GREB1: variants seen among roughly 807,000 people sequenced by gnomAD.
GREB1 encodes the protein growth regulating estrogen receptor binding 1.
In GREB1, 106 loss-of-function variants were observed where a neutral mutation model predicts 200.7. That is an observed-to-expected ratio of 0.53 (90% CI 0.45 to 0.62). GREB1 has a LOEUF of 0.62. GREB1 is among the 20% of genes least tolerant of loss of function. The pLI, the probability that GREB1 is intolerant of heterozygous loss-of-function variation, is 0.00. For synonymous variants in GREB1, 1,132 were observed against 1,092.4 expected (o/e 1.04, Z -0.72); for missense variants, 2,243 against 2,556.8 (o/e 0.88, Z 2.65).
Position 11,625,160 on chromosome 2 carries a change from G to C in GREB1, c.4154G>C (p.Arg1385Thr). 6.2e-7 allele frequency: 1 copy of C among 1,613,208 alleles called. No individual in the cohort carries two copies. The highest frequency in any genetic ancestry group is 1.3e-5 in the African/African-American group (1 of 75,010). ...YDEEEININL[R>T]EESDWHYLQL... Reference sequence around the variant, plus strand: ...GTTTCTACCAATCTTGTAGACCTCAGAGAAGAATCTGACTGGCATTATCTC... The same window carrying C: ...GTTTCTACCAATCTTGTAGACCTCACAGAAGAATCTGACTGGCATTATCTC... Residue 1385 changes from arginine to threonine, a missense_variant, in exon 24 of 33, where the codon AGA becomes ACA. Arg to Thr is a moderately conservative substitution (Grantham distance 71, BLOSUM62 -1). This residue lies in a region of GREB1 where 587 missense variants were observed against 553.1 expected (regional missense o/e 1.06). Transcript: ENST00000381486.
At position 11,640,722 on chromosome 2, in the gene GREB1, A is replaced by C. The variant is rs566939297; in HGVS notation, c.*268A>C. ...CTGTTTTAAAGCCCATTTCACGAGG[A>C]ACAAAGATTTACTTCCTGTCCTGCC... is the stretch of plus-strand genomic sequence containing the variant. On this transcript the variant is annotated 3_prime_UTR_variant, in exon 33 of 33. Transcript: ENST00000381486. This position sits in a 1 kb window ranked among gnomAD's most constrained non-coding sequence, Gnocchi z 4.6. 7 of 427,102 alleles carry C rather than the reference A, an allele frequency of 1.6e-5. No individual in the cohort carries two copies. Among genetic ancestry groups the C allele is most frequent in the Non-Finnish European group, 2.9e-5 (7 of 242,632 alleles). The allele number at this position is 427,102 out of a possible 1,614,324, so 26.5% of individuals were successfully genotyped here.
intron 29 of GREB1, 136 bp from the exon 30 acceptor site, chr2:11,635,134 G>A (rs990871474): frequency 2.1e-6 from 2 of 966,642 alleles, no homozygotes; most frequent in African/African-American, 1.6e-5. Flanking sequence ...AGTAAGGAAG[G>A]TCTTGAGGCA....
At chr2:11,603,466 G>C (rs553770145) in intron 17 of GREB1, among the ~76,000 whole-genome samples, 11 of 152,356 alleles carry the variant, frequency 7.2e-5, no homozygotes, top group African/African-American at 2.6e-4. Flanking sequence ...AAACGTGTCT[G>C]AGAAACATTT....
rs72385146 is a variant in GREB1, at chr2:11,641,480, T to TTTGTTTTGTTTTGTC, written c.*1040_*1041insCTTGTTTTGTTTTGT. 3.0e-4 allele frequency: 46 copies of TTTGTTTTGTTTTGTC among 152,052 alleles called. No homozygotes were observed. Among genetic ancestry groups the TTTGTTTTGTTTTGTC allele is most frequent in the African/African-American group, 9.7e-4 (40 of 41,376 alleles). The allele number at this position is 152,052 out of a possible 1,614,324, so 9.4% of individuals were successfully genotyped here. ...GACTGACAGAATGGTTTTGTTTTGT[T>TTTGTTTTGTTTTGTC]TTGTTTTGTTTTGTTTTGTTTTTGA... is the stretch of plus-strand genomic sequence containing the variant. On this transcript the variant is annotated 3_prime_UTR_variant, in exon 33 of 33. Coordinates refer to ENST00000381486, the MANE Select transcript of GREB1 (RefSeq NM_014668.4).
intron 1 of GREB1, among the ~76,000 whole-genome samples, chr2:11,506,157 C>T (rs1210649834): frequency 1.3e-5 from 2 of 152,198 alleles, no homozygotes; most frequent in African/African-American, 2.4e-5. Context: ...CCCGTGCTCA[C>T]GGGCCTAACA....
upstream of GREB1, among the ~76,000 whole-genome samples, chr2:11,533,685 G>A (rs1027705736): frequency 2.0e-5 from 3 of 152,316 alleles, no homozygotes; most frequent in East Asian, 1.9e-4. Context: ...AGGGAGAAAG[G>A]CAAGCCGGTG....
At chr2:11,562,353 T>G in intron 2 of GREB1, 110 bp from the exon 3 acceptor site, 1 of 1,441,330 alleles carries the variant, frequency 6.9e-7, no homozygotes, top group South Asian at 1.3e-5. Context: ...ATTAGTCCCA[T>G]AGGTCCTGGG....
rs113796034 is a variant in GREB1, at chr2:11,511,976, G to GA, written c.-159+29603dup. Among the ~76,000 whole-genome samples the GA allele has an allele frequency of 6.4e-3, 966 of 151,956 alleles. 10 individuals carry two copies. Among genetic ancestry groups the GA allele is most frequent in the African/African-American group, 0.021 (850 of 41,436 alleles). On this transcript the variant is annotated intron_variant, in intron 1 of 2. Transcript: ENST00000628795. ...CTGTTACTTTGCTGTCTGTGTTCCT[G>GA]AAAAAAAATCTCGGTCCAGTCTCAT...
chr2:11,612,871 C>A (rs1210887502), intron 19 of GREB1, among the ~76,000 whole-genome samples: 1 of 152,216 alleles, frequency 6.6e-6, no homozygotes, highest in Non-Finnish European at 1.5e-5. Context: ...CGGGTGGAGG[C>A]TCTGCAGGTG....
chr2:11,637,636 C>A, intron 30 of GREB1, 80 bp from the exon 31 acceptor site: 1 of 1,322,932 alleles, frequency 7.6e-7, no homozygotes. Context: ...CATGCTTGGG[C>A]CACCCTTGCA....
At chr2:11,591,453 C>A in intron 10 of GREB1, 1 of 719,616 alleles carries the variant, frequency 1.4e-6, no homozygotes, top group East Asian at 2.6e-5. Flanking sequence ...GAGAAAATAC[C>A]AGAAGGAAAC....
intron 23 of GREB1, 24 bp downstream of exon 23, chr2:11,621,031 G>A: frequency 7.4e-7 from 1 of 1,357,566 alleles, no homozygotes; most frequent in Non-Finnish European, 1.1e-6. Flanking sequence ...TTGGGGTTAT[G>A]TGGGCTTGGA....
Position 11,579,990 on chromosome 2 carries a change from G to T in GREB1, c.773-714G>T, listed in dbSNP as rs141887933. On this transcript the variant is annotated intron_variant, in intron 6 of 32. Coordinates refer to ENST00000381486, the MANE Select transcript of GREB1 (RefSeq NM_014668.4). The stretch of plus-strand genomic sequence containing the variant: ...TTTAATGGACTCACAGTTCTACATG[G>T]CTGTGGAGGCCTCACAATCATGGCA... Among the ~76,000 whole-genome samples, 122 of 152,312 alleles carry T rather than the reference G, an allele frequency of 8.0e-4. 1 individual carries two copies. Among genetic ancestry groups the T allele is most frequent in the East Asian group, 5.2e-3 (27 of 5,178 alleles).
At chr2:11,627,219 T>C (rs370165354) in intron 25 of GREB1, 115 bp downstream of exon 25, 10 of 946,384 alleles carry the variant, frequency 1.1e-5, no homozygotes, top group East Asian at 5.6e-5. Context: ...AAGCCCTGGC[T>C]TCCTGGTCTG....
Position 11,585,244 on chromosome 2 carries a change from C to T in GREB1, c.985C>T (p.Pro329Ser), listed in dbSNP as rs746170305. 4 of 1,570,558 alleles carry T rather than the reference C, an allele frequency of 2.5e-6. No homozygotes were observed. In the South Asian group the frequency reaches 3.6e-5, roughly 14 times the overall value. ...ESPSAPDGGC[P>S]QGGGNRAKYE... ...TCCATCAGCTCCAGATGGTGGCTGC[C>T]CCCAAGGTGGTGGGAACAGAGCTAA... is the stretch of plus-strand genomic sequence containing the variant. The change falls in exon 8 of 33, where the codon CCC (proline) becomes TCC (serine). Residue 329 changes from proline (P) to serine (S), a missense_variant. This residue lies in a region of GREB1 where 1,178 missense variants were observed against 1,387.4 expected (regional missense o/e 0.85). Coordinates refer to ENST00000381486, the MANE Select transcript of GREB1 (RefSeq NM_014668.4).
At position 11,526,473 on chromosome 2, in the gene GREB1, C is replaced by T. The variant is rs145495283; in HGVS notation, c.-158-29984C>T. ...TGAAGATTAAATAACATTATGTATT[C>T]GGTACTAATTGTGATCTTATTCTCT... is the stretch of plus-strand genomic sequence containing the variant. On this transcript the variant is annotated intron_variant, in intron 1 of 2. Transcript: ENST00000628795. Among the ~76,000 whole-genome samples the T allele has an allele frequency of 2.6e-3, 396 of 151,790 alleles. 1 individual carries two copies. The highest frequency in any genetic ancestry group is 9.1e-3 in the African/African-American group (377 of 41,390).
chr2:11,598,570 G>A, intron 14 of GREB1, 110 bp from the exon 15 acceptor site: 1 of 917,692 alleles, frequency 1.1e-6, no homozygotes, highest in Non-Finnish European at 1.7e-6. Context: ...TTGCATCTCT[G>A]AGTCTAGCTC....
At chr2:11,593,195 T>C in intron 11 of GREB1, 69 bp downstream of exon 11, 1 of 1,090,674 alleles carries the variant, frequency 9.2e-7, no homozygotes, top group African/African-American at 1.6e-5. Context: ...CCTTTGGTGG[T>C]TCTCTCCCTT....
intron 18 of GREB1, among the ~76,000 whole-genome samples, chr2:11,612,041 A>G (rs1682981622): frequency 6.6e-6 from 1 of 152,066 alleles, no homozygotes; most frequent in African/African-American, 2.4e-5. Flanking sequence ...TAAAAATACA[A>G]CAATTAGCCA....
Sources: allele counts gnomAD v4.1 joint callset (sites outside exome capture counted in the v4.1 genomes callset), GRCh38; gene constraint gnomAD v4.1.1; regional missense constraint gnomAD v4.1.1; non-coding constraint Gnocchi (gnomAD v3.1); transcripts MANE v1.5; gene names NCBI Gene and HGNC (gene_info 2026-07-23, HGNC 2026-07-21).